Variants in CCDC146 observed in about 807,000 individuals in gnomAD.
CCDC146 encodes coiled-coil domain-containing protein 146.
A neutral mutation model predicts 119.3 loss-of-function variants in CCDC146; 92 were observed. The observed-to-expected ratio is 0.77, with a 90% CI of 0.65 to 0.92. The LOEUF is 0.92. Ranked by LOEUF, CCDC146 falls within the 40% of genes least tolerant of loss-of-function variation. The probability of loss-of-function intolerance (pLI) is 0.00; values close to 1 mark genes in which losing one functional copy is unlikely to be tolerated. For synonymous variants in CCDC146, 372 were observed against 371.8 expected (o/e 1.00, Z -0.01); for missense variants, 1,000 against 1,103.0 (o/e 0.91, Z 1.32).
intron 2 of CCDC146, among the ~76,000 whole-genome samples, chr7:77,226,677 C>T (rs963179556): frequency 6.6e-6 from 1 of 152,214 alleles, no homozygotes; most frequent in African/African-American, 2.4e-5. Context: ...GACATTATAT[C>T]TAACCTTTCA....
At chr7:77,161,798 G>GA (rs967797024) in intron 1 of CCDC146, among the ~76,000 whole-genome samples, 2 of 150,784 alleles carry the variant, frequency 1.3e-5, no homozygotes, top group East Asian at 3.9e-4. Context: ...AATAATAAAA[G>GA]AAAAAAAAAT....
intron 2 of CCDC146, among the ~76,000 whole-genome samples, chr7:77,214,565 G>T (rs1172052426): frequency 6.6e-6 from 1 of 152,018 alleles, no homozygotes; most frequent in Non-Finnish European, 1.5e-5. Context: ...ATAGTTTGAG[G>T]TCTTACATTC....
At chr7:77,213,631 C>T (rs1360188092) in intron 2 of CCDC146, among the ~76,000 whole-genome samples, 1 of 152,174 alleles carries the variant, frequency 6.6e-6, no homozygotes, top group Non-Finnish European at 1.5e-5. Flanking sequence ...TGCCCTCCCT[C>T]CCATTCTGAA....
chr7:77,244,038 C>A (rs1396877528), intron 4 of CCDC146, among the ~76,000 whole-genome samples: 5 of 152,124 alleles, frequency 3.3e-5, no homozygotes, highest in Non-Finnish European at 5.9e-5. Flanking sequence ...CCACCATGCC[C>A]AGCTAATTTT....
chr7:77,213,349 T>C (rs899654065), intron 2 of CCDC146, among the ~76,000 whole-genome samples: 1 of 152,112 alleles, frequency 6.6e-6, no homozygotes, highest in East Asian at 1.9e-4. Context: ...CACCTCAGCC[T>C]CCCAAAATAC....
intron 2 of CCDC146, among the ~76,000 whole-genome samples, chr7:77,184,315 A>G (rs1791632284): frequency 6.6e-6 from 1 of 152,192 alleles, no homozygotes; most frequent in Admixed American, 6.5e-5. Flanking sequence ...CTGGAAACAC[A>G]GTAGGGTCTC....
intron 1 of CCDC146, among the ~76,000 whole-genome samples, chr7:77,125,995 C>T (rs1034624178): frequency 1.3e-4 from 20 of 151,968 alleles, no homozygotes; most frequent in Admixed American, 3.3e-4. Context: ...TGGCTAAGAC[C>T]GCCACTACAA....
chr7:77,183,638 A>T (rs1271256307), intron 2 of CCDC146, among the ~76,000 whole-genome samples: 1 of 152,178 alleles, frequency 6.6e-6, no homozygotes, highest in Non-Finnish European at 1.5e-5. Flanking sequence ...TCTTTCAAGG[A>T]TAGCTGAGAT....
At chr7:77,269,651 A>G (rs1363948329) in intron 9 of CCDC146, among the ~76,000 whole-genome samples, 1 of 152,266 alleles carries the variant, frequency 6.6e-6, no homozygotes, top group Non-Finnish European at 1.5e-5. Flanking sequence ...AGCTATTTAT[A>G]TTATGACACT....
intron 2 of CCDC146, among the ~76,000 whole-genome samples, chr7:77,226,553 T>G (rs1011383458): frequency 6.6e-6 from 1 of 152,268 alleles, no homozygotes; most frequent in Non-Finnish European, 1.5e-5. Context: ...CCATGAATCA[T>G]GAACTCTTTT....
At chr7:77,228,520 T>G (rs1188090942) in intron 2 of CCDC146, among the ~76,000 whole-genome samples, 1 of 152,264 alleles carries the variant, frequency 6.6e-6, no homozygotes, top group African/African-American at 2.4e-5. Context: ...TAGTGTTCCA[T>G]GGTGTATGTG....
At position 77,278,992 on chromosome 7, in the gene CCDC146, G is replaced by T. The variant is rs747985811; in HGVS notation, c.1585G>T (p.Val529Phe). 1.2e-6 allele frequency: 2 copies of T among 1,612,286 alleles called. No homozygotes were observed. The highest frequency in any genetic ancestry group is 1.3e-5 in the African/African-American group (1 of 74,894). The change falls in exon 13 of 19, where the codon GTT (valine) becomes TTT (phenylalanine). Residue 529 changes from valine (V) to phenylalanine (F), a missense_variant. Around this residue, in one of 2 missense-constraint regions of CCDC146, gnomAD observed 985 missense variants for 1,045.3 expected, o/e 0.94. Coordinates refer to ENST00000285871, the MANE Select transcript of CCDC146 (RefSeq NM_020879.3). ...CATTCGAAATGAAAGAAACAAATTT[G>T]TTAACTTACTCCACAAAGCTCATCA... ...DTIRNERNKF[V>F]NLLHKAHQKV...
Position 77,132,568 on chromosome 7 carries a change from A to AAAAAG in CCDC146, c.-12+9839_-12+9840insAGAAA, listed in dbSNP as rs1554345367. ...TCGATCTCTACAAAAAAAAAAAAAA[A>AAAAAG]AAAGAAAGAAAGAAAAAAATCAGCC... On this transcript the variant is annotated intron_variant, in intron 1 of 18. Transcript: ENST00000285871. Among the ~76,000 whole-genome samples the AAAAAG allele has an allele frequency of 2.1e-4, 30 of 142,806 alleles. No individual in the cohort carries two copies. In the East Asian group the frequency reaches 4.0e-3, roughly 19 times the overall value. 93.7% of individuals were successfully genotyped at this position (142,806 alleles called of 152,430 possible). A position where few individuals can be genotyped will look rare whatever the true frequency, so the allele number is the denominator to read the frequency against.
intron 2 of CCDC146, among the ~76,000 whole-genome samples, chr7:77,228,160 A>G (rs750943573): frequency 6.6e-6 from 1 of 152,190 alleles, no homozygotes; most frequent in Non-Finnish European, 1.5e-5. Flanking sequence ...ACCATTATAT[A>G]TTTTTTAACC....
chr7:77,291,027 G>A (rs1417703373), intron 17 of CCDC146, among the ~76,000 whole-genome samples: 3 of 152,160 alleles, frequency 2.0e-5, no homozygotes, highest in Non-Finnish European at 1.5e-5. Context: ...TTAATTTGGG[G>A]GGGTGCCTCT....
chr7:77,271,603 T>C (rs1584133075), intron 9 of CCDC146, among the ~76,000 whole-genome samples: 1 of 137,802 alleles, frequency 7.3e-6, no homozygotes, highest in Non-Finnish European at 1.5e-5. Flanking sequence ...ATAGAGTTGC[T>C]AAGATCAAGG....
chr7:77,123,365 T>G (rs1790651131), intron 1 of CCDC146, among the ~76,000 whole-genome samples: 1 of 151,602 alleles, frequency 6.6e-6, no homozygotes, highest in Admixed American at 6.6e-5. Flanking sequence ...TTTCTTTAGT[T>G]TTAAAATGAA....
At chr7:77,268,728 C>G (rs972088017) in intron 9 of CCDC146, among the ~76,000 whole-genome samples, 1 of 152,076 alleles carries the variant, frequency 6.6e-6, no homozygotes, top group Non-Finnish European at 1.5e-5. Context: ...AATATTTTAC[C>G]CTCACACTAG....
At chr7:77,279,240 G>A in intron 13 of CCDC146, 139 bp downstream of exon 13, 2 of 629,918 alleles carry the variant, frequency 3.2e-6, no homozygotes, top group Non-Finnish European at 5.2e-6. Flanking sequence ...CTCCAGCCTG[G>A]GTGACAGAAT....
Sources: gnomAD v4.1 joint callset for allele counts (sites outside exome capture counted in the v4.1 genomes callset) on GRCh38, gnomAD v4.1.1 for gene constraint, gnomAD v4.1.1 regional missense constraint, MANE v1.5 for transcripts, NCBI Gene and HGNC (gene_info 2026-07-23, HGNC 2026-07-21) for gene names.